The following UBE2V2 variants were observed in gnomAD, a reference collection of about 807,000 sequenced individuals.
The protein encoded by UBE2V2 is ubiquitin conjugating enzyme E2 V2.
Under a neutral mutation model 17.2 loss-of-function variants are expected in UBE2V2, and 9 were observed. The ratio of observed to expected loss-of-function variants is 0.52; its 90% CI spans 0.32 to 0.91. The LOEUF (loss-of-function observed/expected upper bound fraction) is 0.91, where lower values mean the gene tolerates loss of function less well. UBE2V2 is among the 40% of genes least tolerant of loss of function. The pLI is 0.04. For missense variants in UBE2V2, 133 were observed against 182.6 expected, an observed-to-expected ratio of 0.73 and a Z score of 1.56; for synonymous variants, 61 against 57.5, an observed-to-expected ratio of 1.06 and a Z score of -0.28.
At chr8:48,023,138 G>A (rs553988857) in intron 1 of UBE2V2, among the ~76,000 whole-genome samples, 1 of 151,872 alleles carries the variant, frequency 6.6e-6, no homozygotes, top group East Asian at 1.9e-4. Context: ...GAATCTGGTT[G>A]GAGACCCTTC....
chr8:48,053,967 G>A (rs1044353926), intron 3 of UBE2V2, among the ~76,000 whole-genome samples: 1 of 151,378 alleles, frequency 6.6e-6, no homozygotes, highest in African/African-American at 2.4e-5. Context: ...ACCATGCCTG[G>A]CTAATTTTTG....
At chr8:48,040,533 AGTCT>A (rs1440726178) in intron 1 of UBE2V2, among the ~76,000 whole-genome samples, 3 of 152,030 alleles carry the variant, frequency 2.0e-5, no homozygotes, top group Non-Finnish European at 4.4e-5. Flanking sequence ...CTTTTTCATT[AGTCT>A]GTCCATTTCT....
chr8:48,049,764 T>C (rs557747631), intron 2 of UBE2V2, 89 bp from the exon 3 acceptor site: 2 of 1,217,804 alleles, frequency 1.6e-6, no homozygotes, highest in Admixed American at 2.5e-5. Context: ...TACATTCATA[T>C]TGTACTTTCC....
intron 2 of UBE2V2, among the ~76,000 whole-genome samples, chr8:48,044,146 A>T (rs1007699720): frequency 1.3e-5 from 2 of 150,544 alleles, no homozygotes; most frequent in Non-Finnish European, 3.0e-5. Context: ...GTTCCTCCTG[A>T]TGATGATGAT....
At chr8:48,053,132 G>A (rs747416664) in intron 3 of UBE2V2, among the ~76,000 whole-genome samples, 10 of 152,030 alleles carry the variant, frequency 6.6e-5, no homozygotes, top group Non-Finnish European at 5.9e-5. Context: ...CCTGACCCGC[G>A]TTGGCCTCCC....
At position 48,060,976 on chromosome 8, in the gene UBE2V2, T is replaced by C. The variant is rs1305731167; in HGVS notation, c.*148T>C. On this transcript the variant is annotated 3_prime_UTR_variant, in exon 4 of 4. Coordinates refer to ENST00000523111, the MANE Select transcript of UBE2V2 (RefSeq NM_003350.3). ...GACATTTGTAAGAATATATTTAATATATGTACACCCATTATGTTTTCAGGT... is the reference window on the plus strand; with the variant it reads ...GACATTTGTAAGAATATATTTAATACATGTACACCCATTATGTTTTCAGGT... 1 of 719,758 alleles carries C rather than the reference T, an allele frequency of 1.4e-6. No homozygotes were observed. Among genetic ancestry groups the C allele is most frequent in the Non-Finnish European group, 1.9e-6 (1 of 513,154 alleles). 44.6% of individuals were successfully genotyped at this position (719,758 alleles called of 1,614,324 possible).
the UBE2V2 span, among the ~76,000 whole-genome samples, chr8:48,002,593 G>C: frequency 4.6e-5 from 7 of 151,262 alleles, no homozygotes; most frequent in Admixed American, 1.3e-4. Context: ...TTGGAGACTA[G>C]CCTGGGCAAT....
chr8:48,041,028 C>T (rs1370924835), intron 1 of UBE2V2, among the ~76,000 whole-genome samples: 1 of 151,092 alleles, frequency 6.6e-6, no homozygotes, highest in East Asian at 2.0e-4. Context: ...CCACGCCTGG[C>T]TAATTTTTTG....
At chr8:48,005,980 G>A (rs186902191), upstream of UBE2V2, among the ~76,000 whole-genome samples, 82 of 152,232 alleles carry the variant, frequency 5.4e-4, no homozygotes, top group African/African-American at 1.8e-3. Context: ...TCACTCTCAT[G>A]GTAGTTTCTT....
intron 1 of UBE2V2, among the ~76,000 whole-genome samples, chr8:48,027,113 T>C (rs1358944457): frequency 6.6e-6 from 1 of 152,012 alleles, no homozygotes; most frequent in Non-Finnish European, 1.5e-5. Flanking sequence ...GCCTCCCACG[T>C]AGCTTGGATG....
intron 1 of UBE2V2, among the ~76,000 whole-genome samples, chr8:48,011,489 T>C (rs2091231074): frequency 6.6e-6 from 1 of 152,194 alleles, no homozygotes; most frequent in African/African-American, 2.4e-5. Context: ...AATACACGTG[T>C]TTTTTATTTA....
At chr8:48,048,757 T>C (rs2091516889) in intron 2 of UBE2V2, among the ~76,000 whole-genome samples, 1 of 152,166 alleles carries the variant, frequency 6.6e-6, no homozygotes, top group African/African-American at 2.4e-5. Flanking sequence ...TTTATGGGGA[T>C]GGGATCAGTT....
intron 1 of UBE2V2, among the ~76,000 whole-genome samples, chr8:48,011,236 C>T (rs1400643145): frequency 2.0e-5 from 3 of 152,084 alleles, no homozygotes; most frequent in South Asian, 2.1e-4. Context: ...GGTGCGATCT[C>T]GGCTGACTGC....
intron 1 of UBE2V2, among the ~76,000 whole-genome samples, chr8:48,040,104 G>A (rs1276367624): frequency 7.3e-5 from 11 of 150,232 alleles, no homozygotes; most frequent in Admixed American, 4.0e-4. Context: ...TAAGTAGTAC[G>A]AAGGATTCCC....
At chr8:48,028,765 T>TG (rs1422448127) in intron 1 of UBE2V2, among the ~76,000 whole-genome samples, 1 of 152,138 alleles carries the variant, frequency 6.6e-6, no homozygotes, top group Non-Finnish European at 1.5e-5. Flanking sequence ...GGATTACAGG[T>TG]GTGAGCTACT....
chr8:48,050,798 A>G (rs2091531828), intron 3 of UBE2V2, among the ~76,000 whole-genome samples: 1 of 152,152 alleles, frequency 6.6e-6, no homozygotes, highest in South Asian at 2.1e-4. Context: ...GAAAAGGATG[A>G]ATATTCATGA....
chr8:48,024,721 C>G (rs547573796), intron 1 of UBE2V2, among the ~76,000 whole-genome samples: 74 of 152,034 alleles, frequency 4.9e-4, no homozygotes, highest in Non-Finnish European at 8.4e-4. Flanking sequence ...TGTTAAGGAT[C>G]AAGACAAAAT....
chr8:48,013,331 G>C (rs2091246377), intron 1 of UBE2V2, among the ~76,000 whole-genome samples: 1 of 143,412 alleles, frequency 7.0e-6, no homozygotes, highest in Admixed American at 7.1e-5. Context: ...TTTTTGAGAT[G>C]AAGTCTCGCT....
At chr8:48,035,631 T>TTTTGTGTGTG (rs1554657539) in intron 1 of UBE2V2, among the ~76,000 whole-genome samples, 2 of 109,524 alleles carry the variant, frequency 1.8e-5, no homozygotes, top group Non-Finnish European at 3.5e-5. Context: ...TTTTTTTTTT[T>TTTTGTGTGTG]TGTGTGTGTG....
Sources: allele counts gnomAD v4.1 joint callset (sites outside exome capture counted in the v4.1 genomes callset), GRCh38; gene constraint gnomAD v4.1.1; transcripts MANE v1.5; gene names NCBI Gene and HGNC (gene_info 2026-07-23, HGNC 2026-07-21).